Variants in CTNNA3 observed in about 807,000 individuals in gnomAD.
CTNNA3 encodes the protein catenin alpha 3.
In CTNNA3, 76 loss-of-function variants were observed where a neutral mutation model predicts 95.7. The ratio of observed to expected loss-of-function variants is 0.79; its 90% CI spans 0.66 to 0.96. The LOEUF (loss-of-function observed/expected upper bound fraction) is 0.96. Ranked by LOEUF, CTNNA3 falls within the 40% of genes least tolerant of loss-of-function variation. CTNNA3 has a pLI of 0.00. For missense variants in CTNNA3, 1,191 were observed against 1,089.8 expected, an observed-to-expected ratio of 1.09 and a Z score of -1.31; for synonymous variants, 431 against 374.4, an observed-to-expected ratio of 1.15 and a Z score of -1.74.
intron 13 of CTNNA3, among the ~76,000 whole-genome samples, chr10:66,117,829 T>A (rs2082403032): frequency 6.6e-6 from 1 of 152,202 alleles, no homozygotes; most frequent in African/African-American, 2.4e-5. Context: ...GACAACTATA[T>A]AAGAGTACTA....
intron 10 of CTNNA3, among the ~76,000 whole-genome samples, chr10:66,548,873 AT>A (rs1452301071): frequency 6.7e-6 from 1 of 149,862 alleles, no homozygotes; most frequent in Admixed American, 6.6e-5. Context: ...TTTATTAAGG[AT>A]TTTTTTGCAT....
chr10:67,422,020 AT>A (rs879924843), intron 5 of CTNNA3, among the ~76,000 whole-genome samples: 22 of 152,328 alleles, frequency 1.4e-4, no homozygotes, highest in Non-Finnish European at 2.5e-4. Flanking sequence ...CATAGTCTGA[AT>A]TTAATCATGA....
intron 13 of CTNNA3, among the ~76,000 whole-genome samples, chr10:66,111,138 C>T (rs937093212): frequency 2.2e-4 from 33 of 152,218 alleles, no homozygotes; most frequent in African/African-American, 7.2e-4. Context: ...GATTGGATCA[C>T]GGGGGCAGAT....
In CTNNA3 at chr10:66,041,737, A is replaced by G. The variant is rs1205864805; in HGVS notation, c.2159+27571T>C. On this transcript the variant is annotated intron_variant, in intron 15 of 17. Transcript: ENST00000433211. ...TGCATTTGTTCCTTTTTTTTTCTAA[A>G]TAATTCTTGAATCTGTACTTTCTGG... is the stretch of plus-strand genomic sequence containing the variant. Among the ~76,000 whole-genome samples the G allele has an allele frequency of 2.6e-5, 4 of 152,034 alleles. No homozygotes were observed. In the South Asian group the frequency reaches 6.2e-4, roughly 24 times the overall value.
intron 5 of CTNNA3, among the ~76,000 whole-genome samples, chr10:67,418,922 T>G (rs974526155): frequency 5.3e-5 from 8 of 152,218 alleles, no homozygotes; most frequent in African/African-American, 1.9e-4. Context: ...TTGAACTATT[T>G]CACAATGTGT....
chr10:67,482,691 C>A (rs990542677), intron 5 of CTNNA3, among the ~76,000 whole-genome samples: 1 of 152,156 alleles, frequency 6.6e-6, no homozygotes, highest in Non-Finnish European at 1.5e-5. Context: ...ATGTCATCTG[C>A]AAACAGGGAC....
intron 5 of CTNNA3, among the ~76,000 whole-genome samples, chr10:67,263,191 G>A (rs139269944): frequency 1.3e-3 from 200 of 152,250 alleles, no homozygotes; most frequent in Middle Eastern, 0.01. Flanking sequence ...TTTTACAAAT[G>A]AGTTCTTGTT....
chr10:67,110,924 A>G (rs908871830), intron 7 of CTNNA3, among the ~76,000 whole-genome samples: 8 of 152,212 alleles, frequency 5.3e-5, no homozygotes, highest in African/African-American at 1.2e-4. Flanking sequence ...CTTAACCTAA[A>G]TAAGTTTTCG....
chr10:66,138,953 C>G (rs1380509166), intron 13 of CTNNA3, among the ~76,000 whole-genome samples: 2 of 152,164 alleles, frequency 1.3e-5, no homozygotes, highest in Non-Finnish European at 2.9e-5. Flanking sequence ...AGTAATTTAA[C>G]ATTGGTCTTC....
intron 9 of CTNNA3, among the ~76,000 whole-genome samples, chr10:66,657,723 T>C (rs1490736268): frequency 1.3e-5 from 2 of 152,190 alleles, no homozygotes; most frequent in Non-Finnish European, 2.9e-5. Flanking sequence ...CATTTTTCAA[T>C]AACATGCAGC....
At chr10:67,424,071 T>TGTGG (rs1564639941) in intron 5 of CTNNA3, among the ~76,000 whole-genome samples, 3 of 152,144 alleles carry the variant, frequency 2.0e-5, no homozygotes, top group Non-Finnish European at 4.4e-5. Context: ...GTGGGTCAAA[T>TGTGG]GTCAATTAAC....
intron 3 of CTNNA3, among the ~76,000 whole-genome samples, chr10:67,556,884 G>A (rs1265617874): frequency 1.3e-5 from 2 of 151,938 alleles, no homozygotes; most frequent in Non-Finnish European, 2.9e-5. Context: ...TTTCTCTTGT[G>A]GGCATTTAGT....
chr10:66,759,693 G>A (rs1839526524), intron 9 of CTNNA3, among the ~76,000 whole-genome samples: 2 of 152,136 alleles, frequency 1.3e-5, no homozygotes, highest in African/African-American at 4.8e-5. Context: ...TCTGATATCT[G>A]GCCACCAGCC....
chr10:66,842,340 G>T (rs537680957), intron 7 of CTNNA3, among the ~76,000 whole-genome samples: 19 of 151,970 alleles, frequency 1.3e-4, no homozygotes, highest in African/African-American at 4.6e-4. Context: ...ACTACAAAAA[G>T]GAAAAACAAC....
chr10:67,194,884 CT>C lies in CTNNA3; in HGVS notation c.844-14365del, dbSNP rs535720674. ...ATCTAAAACTGCTCTAAAATAAAGTCTTAAAAATAAGAAAAAAATTAGTATT... is the reference window on the plus strand; with the variant it reads ...ATCTAAAACTGCTCTAAAATAAAGTCTAAAAATAAGAAAAAAATTAGTATT... On this transcript the variant is annotated intron_variant, in intron 6 of 17. Coordinates refer to ENST00000433211, the MANE Select transcript of CTNNA3 (RefSeq NM_013266.4). Among the ~76,000 whole-genome samples the C allele has an allele frequency of 5.3e-5, 8 of 151,904 alleles. No homozygotes were observed. The South Asian group carries it at 1.7e-3, about 32-fold the overall frequency.
At chr10:66,219,139 C>T (rs192428602) in intron 13 of CTNNA3, among the ~76,000 whole-genome samples, 70 of 152,186 alleles carry the variant, frequency 4.6e-4, no homozygotes, top group African/African-American at 1.7e-3. Context: ...CCCAAGAAAA[C>T]TTATCATAAC....
chr10:67,303,430 G>A (rs1382912264), intron 5 of CTNNA3, among the ~76,000 whole-genome samples: 3 of 152,208 alleles, frequency 2.0e-5, no homozygotes, highest in Non-Finnish European at 4.4e-5. Flanking sequence ...GTACATTACA[G>A]CCTTCCAGGC....
Position 67,209,032 on chromosome 10 carries a change from G to T in CTNNA3, c.843+10575C>A, listed in dbSNP as rs902845115. On this transcript the variant is annotated intron_variant, in intron 6 of 17. Transcript: ENST00000433211. ...AACTTCTAAATCTAATAATATAAGG[G>T]TATTGTTATTTTTTGTTGTTGTTGT... is the stretch of plus-strand genomic sequence containing the variant. Among the ~76,000 whole-genome samples, 28 of 147,968 alleles carry T rather than the reference G, an allele frequency of 1.9e-4. 1 individual carries two copies. The highest frequency in any genetic ancestry group is 7.3e-4 in the African/African-American group (28 of 38,432).
At chr10:67,054,286 G>C (rs1485468293) in intron 7 of CTNNA3, among the ~76,000 whole-genome samples, 4 of 152,042 alleles carry the variant, frequency 2.6e-5, no homozygotes, top group Non-Finnish European at 5.9e-5. Context: ...CAGAACATCA[G>C]GAAGAAACAT....
Sources: allele counts gnomAD v4.1 joint callset (sites outside exome capture counted in the v4.1 genomes callset), GRCh38; gene constraint gnomAD v4.1.1; transcripts MANE v1.5; gene names NCBI Gene and HGNC (gene_info 2026-07-23, HGNC 2026-07-21).